Variants in FBXL17 observed in about 807,000 individuals in gnomAD.
FBXL17 encodes the protein F-box/LRR-repeat protein 17.
Under a neutral mutation model 66.2 loss-of-function variants are expected in FBXL17, and 22 were observed. That is an observed-to-expected ratio of 0.33 (90% CI 0.24 to 0.47). The LOEUF (loss-of-function observed/expected upper bound fraction) is 0.47. FBXL17 is among the 20% of genes least tolerant of loss of function. The pLI, the probability that FBXL17 is intolerant of heterozygous loss-of-function variation, is 1.00. For missense variants in FBXL17, 878 were observed against 948.2 expected (o/e 0.93, Z 0.97); for synonymous variants, 474 against 400.5 (o/e 1.18, Z -2.19).
chr5:107,875,280 G>A (rs1265196154), intron 8 of FBXL17, among the ~76,000 whole-genome samples: 1 of 152,016 alleles, frequency 6.6e-6, no homozygotes, highest in Non-Finnish European at 1.5e-5. Flanking sequence ...TGGACACAGT[G>A]CCCTCAAATT....
Position 108,380,722 on chromosome 5 carries a change from G to T in FBXL17, c.970C>A (p.Leu324Met). The change falls in exon 1 of 9, where the codon CTG becomes ATG. Residue 324 changes from leucine (L) to methionine (M), a missense_variant. By Grantham distance (15) the Leu-to-Met change is conservative. Transcript: ENST00000542267. Reference sequence around the variant, plus strand: ...ACCTTGAGCAGGATGGACGGCGGCAGCTGGTTGATGTCTGGGGTTTCGGGG... The same window carrying T: ...ACCTTGAGCAGGATGGACGGCGGCATCTGGTTGATGTCTGGGGTTTCGGGG... ...PPPETPDINQ[L>M]PPSILLKIFS... 8.0e-7 allele frequency: 1 copy of T among 1,249,852 alleles called. No individual in the cohort carries two copies. Among genetic ancestry groups the T allele is most frequent in the Non-Finnish European group, 1.0e-6 (1 of 989,396 alleles). The allele number at this position is 1,249,852 out of a possible 1,614,324, so 77.4% of individuals were successfully genotyped here.
At chr5:108,298,480 A>G in intron 4 of FBXL17, 1 of 974,602 alleles carries the variant, frequency 1.0e-6, no homozygotes, top group Non-Finnish European at 1.2e-6. Flanking sequence ...GAAAGCATCT[A>G]AAGCCCTAAG....
intron 7 of FBXL17, among the ~76,000 whole-genome samples, chr5:108,005,628 T>C (rs1753893918): frequency 6.6e-6 from 1 of 152,240 alleles, no homozygotes; most frequent in Non-Finnish European, 1.5e-5. Flanking sequence ...ATTTTAACCA[T>C]GTTATTATAA....
chr5:108,222,568 T>C (rs1012618965), intron 5 of FBXL17, among the ~76,000 whole-genome samples: 7 of 151,900 alleles, frequency 4.6e-5, no homozygotes, highest in African/African-American at 1.7e-4. Flanking sequence ...TAAGACATAC[T>C]ACAACCACAG....
At chr5:108,344,517 A>T (rs1465624201) in intron 4 of FBXL17, among the ~76,000 whole-genome samples, 4 of 152,172 alleles carry the variant, frequency 2.6e-5, no homozygotes, top group Non-Finnish European at 4.4e-5. Context: ...CCAAACACAC[A>T]CATAACGCAT....
intron 4 of FBXL17, among the ~76,000 whole-genome samples, chr5:108,271,654 A>G (rs1035305286): frequency 6.6e-6 from 1 of 152,244 alleles, no homozygotes; most frequent in Non-Finnish European, 1.5e-5. Flanking sequence ...ACTATAAAAC[A>G]ACACCTGAAG....
At chr5:108,178,260 C>G (rs1484878152) in intron 6 of FBXL17, among the ~76,000 whole-genome samples, 4 of 152,028 alleles carry the variant, frequency 2.6e-5, no homozygotes, top group Non-Finnish European at 5.9e-5. Context: ...GTTGCCCAGG[C>G]TGGTCTTGAA....
In FBXL17 at chr5:107,919,406, G is replaced by A. The variant is rs74578319; in HGVS notation, c.1823-38227C>T. ...GACAGGTACCTCTCCTTTGTCTCCA[G>A]AAGATCTACTCTCATGAACAGCCAA... On this transcript the variant is annotated intron_variant, in intron 7 of 8. Coordinates refer to ENST00000542267, the MANE Select transcript of FBXL17 (RefSeq NM_001163315.3). 2.0e-4 allele frequency among the ~76,000 whole-genome samples: 30 copies of A among 152,202 alleles called. No individual in the cohort carries two copies. In the East Asian group the frequency reaches 5.4e-3, roughly 28 times the overall value.
chr5:108,148,553 AAAG>A lies in FBXL17; in HGVS notation c.1745+37561_1745+37563del, dbSNP rs377602489. On this transcript the variant is annotated intron_variant, in intron 6 of 8. Transcript: ENST00000542267. ...GCCTCAGTTTATCTTTTATCAAACA[AAAG>A]AAGCAAGTCATAGAGGAATACACAC... 4.2e-3 allele frequency among the ~76,000 whole-genome samples: 641 copies of A among 152,344 alleles called. 3 individuals carry two copies. Among genetic ancestry groups the A allele is most frequent in the African/African-American group, 0.015 (612 of 41,566 alleles).
At chr5:108,149,876 T>C (rs915959396) in intron 6 of FBXL17, among the ~76,000 whole-genome samples, 1 of 152,208 alleles carries the variant, frequency 6.6e-6, no homozygotes, top group Non-Finnish European at 1.5e-5. Context: ...GAGCAAAAGC[T>C]GACAGCAGAG....
intron 7 of FBXL17, among the ~76,000 whole-genome samples, chr5:107,990,359 A>G (rs1027535066): frequency 2.0e-5 from 3 of 152,204 alleles, no homozygotes; most frequent in African/African-American, 7.2e-5. Context: ...TTTTAAAATT[A>G]GAGTTCTGCA....
chr5:108,158,747 G>C (rs1752094746), intron 6 of FBXL17, among the ~76,000 whole-genome samples: 1 of 152,160 alleles, frequency 6.6e-6, no homozygotes, highest in South Asian at 2.1e-4. Context: ...TGATTATGCA[G>C]ATAAGTGGAA....
chr5:107,900,813 C>T (rs1016736644), intron 7 of FBXL17, among the ~76,000 whole-genome samples: 2 of 151,712 alleles, frequency 1.3e-5, no homozygotes. Flanking sequence ...TAAAGCGAAC[C>T]CTATAAAAGG....
intron 5 of FBXL17, among the ~76,000 whole-genome samples, chr5:108,214,913 G>A (rs148546900): frequency 1.2e-3 from 177 of 152,244 alleles, no homozygotes; most frequent in African/African-American, 4.0e-3. Flanking sequence ...AAGAAACCCA[G>A]TATAAATGGG....
At chr5:108,158,228 C>A (rs543619824) in intron 6 of FBXL17, among the ~76,000 whole-genome samples, 1 of 151,792 alleles carries the variant, frequency 6.6e-6, no homozygotes, top group South Asian at 2.1e-4. Flanking sequence ...AAATTAGTAT[C>A]CATAAGTATA....
rs149744805 is a variant in FBXL17, at chr5:108,102,153, A to G, written c.1746-81152T>C. Among the ~76,000 whole-genome samples, 45 of 152,262 alleles carry G rather than the reference A, an allele frequency of 3.0e-4. No individual in the cohort carries two copies. The East Asian group carries it at 7.5e-3, about 25-fold the overall frequency. ...ATGGCAATTAGTGTTTCTGTCTCCA[A>G]AGAGAGAGATTCATGGAGTCTGAAT... is the stretch of plus-strand genomic sequence containing the variant. On this transcript the variant is annotated intron_variant, in intron 6 of 8. Coordinates refer to ENST00000542267, the MANE Select transcript of FBXL17 (RefSeq NM_001163315.3).
chr5:108,291,584 A>C (rs1758114766), intron 4 of FBXL17, among the ~76,000 whole-genome samples: 1 of 152,232 alleles, frequency 6.6e-6, no homozygotes, highest in Admixed American at 6.5e-5. Flanking sequence ...ACAAACTTAA[A>C]AAATGAAAAT....
At chr5:108,032,258 A>C (rs1444107417) in intron 6 of FBXL17, among the ~76,000 whole-genome samples, 1 of 152,146 alleles carries the variant, frequency 6.6e-6, no homozygotes, top group African/African-American at 2.4e-5. Context: ...TTTAGCAAAA[A>C]TACAAATGTA....
chr5:107,935,902 T>C (rs564630121), intron 7 of FBXL17, among the ~76,000 whole-genome samples: 2 of 152,264 alleles, frequency 1.3e-5, no homozygotes, highest in South Asian at 4.1e-4. Flanking sequence ...CACCTGCTAA[T>C]CAATTAGAAC....
Sources: allele counts gnomAD v4.1 joint callset (sites outside exome capture counted in the v4.1 genomes callset), GRCh38; gene constraint gnomAD v4.1.1; transcripts MANE v1.5; gene names NCBI Gene and HGNC (gene_info 2026-07-23, HGNC 2026-07-21).